Variants in DYNC1I1 observed in about 807,000 individuals in gnomAD.
DYNC1I1 encodes cytoplasmic dynein 1 intermediate chain 1.
DYNC1I1 carries 43 observed loss-of-function variants against 86.6 expected under a neutral mutation model. That is an observed-to-expected ratio of 0.50 (90% CI 0.39 to 0.64). The LOEUF (loss-of-function observed/expected upper bound fraction) is 0.64, where lower values mean the gene tolerates loss of function less well. DYNC1I1 is among the 30% of genes least tolerant of loss of function. The pLI is 0.00. For missense variants in DYNC1I1, 604 were observed against 788.8 expected, an observed-to-expected ratio of 0.77 and a Z score of 2.81; for synonymous variants, 262 against 283.7, an observed-to-expected ratio of 0.92 and a Z score of 0.77.
At position 96,081,411 on chromosome 7, in the gene DYNC1I1, C is replaced by T. The variant is rs115135023; in HGVS notation, c.1776+923C>T. ...CGATCTTAATTTAATGTTACATTATCTATCAATTGTACTTAAGATTGTGTG... is the reference window on the plus strand; with the variant it reads ...CGATCTTAATTTAATGTTACATTATTTATCAATTGTACTTAAGATTGTGTG... On this transcript the variant is annotated intron_variant, in intron 16 of 16. Transcript: ENST00000447467. Among the ~76,000 whole-genome samples, 796 of 151,294 alleles carry T rather than the reference C, an allele frequency of 5.3e-3. 10 individuals carry two copies. The highest frequency in any genetic ancestry group is 0.018 in the African/African-American group (738 of 41,378).
intron 6 of DYNC1I1, among the ~76,000 whole-genome samples, chr7:95,880,259 C>T (rs1790417235): frequency 6.6e-6 from 1 of 152,170 alleles, no homozygotes; most frequent in Non-Finnish European, 1.5e-5. Flanking sequence ...GAACACACTT[C>T]CTGTCCACAT....
intron 6 of DYNC1I1, among the ~76,000 whole-genome samples, chr7:95,937,760 T>A (rs1792086792): frequency 6.6e-6 from 1 of 152,032 alleles, no homozygotes. Flanking sequence ...ATTATTATAC[T>A]TTACCTTTTC....
At chr7:96,046,874 A>T (rs1396498014) in intron 14 of DYNC1I1, among the ~76,000 whole-genome samples, 1 of 152,164 alleles carries the variant, frequency 6.6e-6, no homozygotes, top group Non-Finnish European at 1.5e-5. Context: ...TAGAGGTAGG[A>T]AATCAGTGGT....
At chr7:95,946,594 A>T (rs1584189198) in intron 6 of DYNC1I1, among the ~76,000 whole-genome samples, 1 of 152,174 alleles carries the variant, frequency 6.6e-6, no homozygotes, top group Non-Finnish European at 1.5e-5. Context: ...AGCCTCATTC[A>T]TTGAGTATGA....
At position 96,066,500 on chromosome 7, in the gene DYNC1I1, T is replaced by G. The variant is rs141842971; in HGVS notation, c.1510-9557T>G. Among the ~76,000 whole-genome samples, 19 of 152,252 alleles carry G rather than the reference T, an allele frequency of 1.2e-4. No homozygotes were observed. In the East Asian group the frequency reaches 3.3e-3, roughly 26 times the overall value. On this transcript the variant is annotated intron_variant, in intron 14 of 16. Coordinates refer to ENST00000447467, the MANE Select transcript of DYNC1I1 (RefSeq NM_001135556.2). ...CAGACATGGTAAATTCCTCCCAGAG[T>G]TTTTCCCAGAATTGTGTCTTTGAGG...
chr7:95,774,723 C>T (rs549153192), intron 1 of DYNC1I1, among the ~76,000 whole-genome samples: 2 of 152,284 alleles, frequency 1.3e-5, no homozygotes, highest in East Asian at 3.9e-4. Context: ...ATGAGCCTTG[C>T]CTTTGATGAC....
chr7:96,057,518 A>G (rs966251853), intron 14 of DYNC1I1, among the ~76,000 whole-genome samples: 1 of 152,198 alleles, frequency 6.6e-6, no homozygotes. Context: ...GTGGACTCAG[A>G]TGCCTAAATT....
intron 16 of DYNC1I1, among the ~76,000 whole-genome samples, chr7:96,084,976 G>T (rs1425265294): frequency 1.3e-5 from 2 of 152,134 alleles, no homozygotes; most frequent in Non-Finnish European, 2.9e-5. Flanking sequence ...CCATTGTTGA[G>T]AACTCCCTGA....
Position 95,785,787 on chromosome 7 carries a change from A to ATATG in DYNC1I1, c.-10+13017_-10+13018insGTAT, listed in dbSNP as rs1584220134. Among the ~76,000 whole-genome samples, 10 of 55,528 alleles carry ATATG rather than the reference A, an allele frequency of 1.8e-4. No homozygotes were observed. In the East Asian group the frequency reaches 5.0e-3, roughly 28 times the overall value. The allele number at this position is 55,528 out of a possible 152,430, so 36.4% of individuals were successfully genotyped here. ...TATGTGTGTATGTGTATATATATAT[A>ATATG]TATATATATATATATATATATATAT... On this transcript the variant is annotated intron_variant, in intron 1 of 16. Transcript: ENST00000447467.
chr7:95,843,095 TA>T (rs1789332711), intron 5 of DYNC1I1, among the ~76,000 whole-genome samples: 1 of 152,182 alleles, frequency 6.6e-6, no homozygotes, highest in Admixed American at 6.5e-5. Flanking sequence ...CATTGCCCCA[TA>T]AATCTTAAGG....
chr7:95,951,390 G>A (rs1318788321), intron 6 of DYNC1I1, among the ~76,000 whole-genome samples: 1 of 152,116 alleles, frequency 6.6e-6, no homozygotes, highest in Non-Finnish European at 1.5e-5. Context: ...TCACAGTCGT[G>A]ATAAAACATG....
At chr7:95,805,272 T>G (rs1584239414) in intron 2 of DYNC1I1, among the ~76,000 whole-genome samples, 1 of 151,960 alleles carries the variant, frequency 6.6e-6, no homozygotes, top group Non-Finnish European at 1.5e-5. Context: ...AAGAAAAGGG[T>G]TTTTTGAAAA....
intron 6 of DYNC1I1, among the ~76,000 whole-genome samples, chr7:95,968,430 C>A (rs928762211): frequency 6.6e-6 from 1 of 152,082 alleles, no homozygotes; most frequent in African/African-American, 2.4e-5. Context: ...GGAACAATTT[C>A]CTTACAGCGA....
chr7:95,782,159 A>C (rs1359262030), intron 1 of DYNC1I1, among the ~76,000 whole-genome samples: 1 of 152,202 alleles, frequency 6.6e-6, no homozygotes, highest in East Asian at 1.9e-4. Flanking sequence ...GAAGTGACAT[A>C]TGACACCTCT....
intron 6 of DYNC1I1, among the ~76,000 whole-genome samples, chr7:95,886,581 A>G (rs1386218654): frequency 1.3e-5 from 2 of 152,226 alleles, no homozygotes; most frequent in Non-Finnish European, 2.9e-5. Flanking sequence ...GTTTCTTCCC[A>G]TGATGCCATT....
rs755499651 is a variant in DYNC1I1, at chr7:95,813,232, A to G, written c.224-15A>G. 28 of 1,612,254 alleles carry G rather than the reference A, an allele frequency of 1.7e-5. No homozygotes were observed. The South Asian group carries it at 2.7e-4, about 16-fold the overall frequency. ...CATTTTTTAACATGGGATACCTGTT[A>G]TTTTCATTATTTAGTCCCAACCCCT... On this transcript the variant is annotated splice_polypyrimidine_tract_variant and intron_variant, in intron 3 of 16. Transcript: ENST00000447467.
intron 14 of DYNC1I1, among the ~76,000 whole-genome samples, chr7:96,061,970 A>G (rs904951127): frequency 1.3e-5 from 2 of 152,112 alleles, no homozygotes; most frequent in African/African-American, 4.8e-5. Context: ...TTTGTCCTAT[A>G]AGAGTCTTGA....
At chr7:96,069,146 G>T (rs568366003) in intron 14 of DYNC1I1, among the ~76,000 whole-genome samples, 1 of 151,998 alleles carries the variant, frequency 6.6e-6, no homozygotes, top group African/African-American at 2.4e-5. Context: ...TCCTAATAAA[G>T]TCTCTAATCA....
chr7:95,849,465 CAA>C (rs777127130), intron 5 of DYNC1I1, among the ~76,000 whole-genome samples: 1 of 152,046 alleles, frequency 6.6e-6, no homozygotes, highest in Non-Finnish European at 1.5e-5. Context: ...CCATTTGTTG[CAA>C]AGACTGTTCT....
Sources: gnomAD v4.1 joint callset for allele counts (sites outside exome capture counted in the v4.1 genomes callset) on GRCh38, gnomAD v4.1.1 for gene constraint, MANE v1.5 for transcripts, NCBI Gene and HGNC (gene_info 2026-07-23, HGNC 2026-07-21) for gene names.